The following GATA3 variants were observed in gnomAD, a reference collection of about 807,000 sequenced individuals.
GATA3 encodes the protein GATA binding protein 3, also known as trans-acting T-cell-specific transcription factor GATA-3.
In GATA3, 6 loss-of-function variants were observed where a neutral mutation model predicts 36.0. The ratio of observed to expected loss-of-function variants is 0.17; its 90% confidence interval spans 0.09 to 0.33. GATA3 has a LOEUF of 0.33. Among genes scored for constraint, GATA3 ranks in the 10% least tolerant of loss-of-function variants. GATA3 has a pLI of 1.00. For synonymous variants in GATA3, 326 were observed against 273.0 expected (o/e 1.19, Z -1.92); for missense variants, 514 against 610.1 (o/e 0.84, Z 1.66).
chr10:8,051,625 T>A (rs550601258), upstream of GATA3: 1 of 152,484 alleles, frequency 6.6e-6, no homozygotes, highest in South Asian at 2.1e-4. Flanking sequence ...CCCAGGTACC[T>A]GGGAGGGGGT....
At chr10:8,058,997 A>G (rs1008986424) in intron 3 of GATA3, among the ~76,000 whole-genome samples, 156 bp downstream of exon 3, 23 of 152,186 alleles carry the variant, frequency 1.5e-4, no homozygotes, top group African/African-American at 5.3e-4. Flanking sequence ...AAGGCACTGC[A>G]TGTCCTCCCA....
chr10:8,048,616 C>A (rs749759719), upstream of GATA3, among the ~76,000 whole-genome samples: 7 of 152,284 alleles, frequency 4.6e-5, no homozygotes, highest in South Asian at 2.1e-4. Context: ...CCACCTGTCC[C>A]CCCACCTGCC....
chr10:8,055,215 C>T lies in GATA3; in HGVS notation c.-369-72C>T. ...GTCTCGGGTGCGCTGGGCGGGCGGGCGGCGCGAGGGGAGGTTGTGCCACTC... is the reference window on the plus strand; with the variant it reads ...GTCTCGGGTGCGCTGGGCGGGCGGGTGGCGCGAGGGGAGGTTGTGCCACTC... On this transcript the variant is annotated intron_variant, in intron 1 of 5. Coordinates refer to ENST00000379328, the MANE Select transcript of GATA3 (RefSeq NM_001002295.2). The surrounding 1 kb of genome is among the most constrained non-coding windows in gnomAD (Gnocchi z 5.4). The T allele has an allele frequency of 3.7e-6, 1 of 269,060 alleles. No homozygotes were observed. The highest frequency in any genetic ancestry group is 7.1e-6 in the Non-Finnish European group (1 of 141,610). The allele number at this position is 269,060 out of a possible 1,614,324, so 16.7% of individuals were successfully genotyped here.
At chr10:8,054,492 G>T (rs1832581815), upstream of GATA3, among the ~76,000 whole-genome samples, 1 of 151,808 alleles carries the variant, frequency 6.6e-6, no homozygotes, top group Admixed American at 6.6e-5. The surrounding 1 kb of genome is among the most constrained non-coding windows in gnomAD (Gnocchi z 4.2). Flanking sequence ...CCTCTGCGGC[G>T]CCCCTTTCCG....
At chr10:8,050,843 C>G (rs193081796), upstream of GATA3, 1,615 of 408,790 alleles carry the variant, frequency 4.0e-3, 2 homozygotes, top group Non-Finnish European at 6.3e-3. Flanking sequence ...CGCTCTCTCC[C>G]CCTCCGCGGG....
intron 4 of GATA3, among the ~76,000 whole-genome samples, chr10:8,065,008 C>A (rs1054661732): frequency 2.6e-5 from 4 of 152,108 alleles, no homozygotes; most frequent in African/African-American, 9.7e-5. Flanking sequence ...ATGTGACAGA[C>A]AAATAACAAC....
chr10:8,075,123 G>A lies in GATA3; in HGVS notation c.*1100G>A, dbSNP rs1588392539. 4.3e-6 allele frequency: 1 copy of A among 232,870 alleles called. No homozygotes were observed. Among genetic ancestry groups the A allele is most frequent in the African/African-American group, 2.2e-5 (1 of 45,440 alleles). The allele number at this position is 232,870 out of a possible 1,614,324, so 14.4% of individuals were successfully genotyped here. Reference sequence around the variant, plus strand: ...CTTCGCCCTGTCGTGTTCTGTGTTAGTGATCACTGCCTTTAATACAGTCTG... The same window carrying A: ...CTTCGCCCTGTCGTGTTCTGTGTTAATGATCACTGCCTTTAATACAGTCTG... On this transcript the variant is annotated 3_prime_UTR_variant, in exon 6 of 6. Coordinates refer to ENST00000379328, the MANE Select transcript of GATA3 (RefSeq NM_001002295.2).
chr10:8,048,389 G>C (rs1832417757), intron 1 of GATA3, among the ~76,000 whole-genome samples: 1 of 152,224 alleles, frequency 6.6e-6, no homozygotes, highest in Non-Finnish European at 1.5e-5. Flanking sequence ...TTTCTGCCAG[G>C]CTGGAGCCTT....
intron 5 of GATA3, 89 bp downstream of exon 5, chr10:8,069,687 C>A (rs1832900829): frequency 6.8e-7 from 1 of 1,465,336 alleles, no homozygotes; most frequent in East Asian, 2.3e-5. Flanking sequence ...AAGTGAATCG[C>A]TCACCATGGG....
intron 3 of GATA3, among the ~76,000 whole-genome samples, chr10:8,062,902 C>T (rs759695052): frequency 2.0e-5 from 3 of 152,148 alleles, no homozygotes; most frequent in Non-Finnish European, 4.4e-5. Context: ...TCCTAGAAAG[C>T]ATCTTTCTCT....
chr10:8,068,044 G>C (rs530343759), intron 4 of GATA3, among the ~76,000 whole-genome samples: 147 of 152,264 alleles, frequency 9.7e-4, no homozygotes, highest in Non-Finnish European at 1.9e-3. Flanking sequence ...GGAAGGTGAG[G>C]AGGAGAGAGA....
intron 5 of GATA3, among the ~76,000 whole-genome samples, chr10:8,070,675 T>C (rs1939509289): frequency 6.6e-6 from 1 of 152,162 alleles, no homozygotes; most frequent in Non-Finnish European, 1.5e-5. Flanking sequence ...CTTTTCTGGT[T>C]GGATTTTTTG....
At position 8,058,660 on chromosome 10, in the gene GATA3, C is replaced by A. The variant is rs1832692487; in HGVS notation, c.597C>A (p.Ser199=). 6.2e-7 allele frequency: 1 copy of A among 1,613,202 alleles called. No homozygotes were observed. The highest frequency in any genetic ancestry group is 1.7e-5 in the Admixed American group (1 of 60,036). The change falls in exon 3 of 6, where the codon TCC becomes TCA. Residue 199 remains serine, a synonymous_variant. Coordinates refer to ENST00000379328, the MANE Select transcript of GATA3 (RefSeq NM_001002295.2). ...CCGACAGCATGAAGCTGGAGTCGTC[C>A]CACTCCCGTGGCAGCATGACCGCCC... ...PLPDSMKLES[S]HSRGSMTALG... is the part of the protein sequence containing the mutation.
At chr10:8,065,509 G>A (rs374026420) in intron 4 of GATA3, among the ~76,000 whole-genome samples, 26 of 151,788 alleles carry the variant, frequency 1.7e-4, no homozygotes, top group East Asian at 3.9e-4. Context: ...CCACCGCCTC[G>A]GCCTCCCAGA....
upstream of GATA3, among the ~76,000 whole-genome samples, chr10:8,050,084 A>G (rs745549340): frequency 6.6e-6 from 1 of 152,116 alleles, no homozygotes; most frequent in Non-Finnish European, 1.5e-5. Flanking sequence ...GCCCTTTACA[A>G]TTCCCACACC....
Position 8,055,614 on chromosome 10 carries a change from G to A in GATA3, c.-42G>A. The A allele has an allele frequency of 6.5e-7, 1 of 1,537,986 alleles. No homozygotes were observed. Among genetic ancestry groups the A allele is most frequent in the South Asian group, 1.2e-5 (1 of 83,726 alleles). On this transcript the variant is annotated 5_prime_UTR_variant, in exon 2 of 6. Transcript: ENST00000379328. This position sits in a 1 kb window ranked among gnomAD's most constrained non-coding sequence, Gnocchi z 5.4. Reference sequence around the variant, plus strand: ...CGGACCGCCCTCCCTCCCCGCGCGCGGGTTCCGGGCCCGGCGAGAGGGCGC... The same window carrying A: ...CGGACCGCCCTCCCTCCCCGCGCGCAGGTTCCGGGCCCGGCGAGAGGGCGC...
intron 4 of GATA3, among the ~76,000 whole-genome samples, chr10:8,068,103 T>G (rs10905282): frequency 0.19 from 28,644 of 152,084 alleles, 2,743 homozygotes; most frequent in East Asian, 0.27. Flanking sequence ...ATGGTTTTTT[T>G]CAGTTTTATT....
chr10:8,046,966 C>G (rs1832397522), intron 1 of GATA3, among the ~76,000 whole-genome samples: 2 of 152,146 alleles, frequency 1.3e-5, no homozygotes, highest in Admixed American at 1.3e-4. Flanking sequence ...GGCCCATCCT[C>G]CACTCTGCAC....
At chr10:8,045,854 G>A (rs1832380809) in intron 1 of GATA3, among the ~76,000 whole-genome samples, 1 of 152,222 alleles carries the variant, frequency 6.6e-6, no homozygotes, top group Non-Finnish European at 1.5e-5. Context: ...GAGGGCAGAG[G>A]ATTGGGGAAA....
Sources: allele counts gnomAD v4.1 joint callset (sites outside exome capture counted in the v4.1 genomes callset), GRCh38; gene constraint gnomAD v4.1.1; non-coding constraint Gnocchi (gnomAD v3.1); transcripts MANE v1.5; gene names NCBI Gene and HGNC (gene_info 2026-07-23, HGNC 2026-07-21).